The following PCDHA7 variants were observed in gnomAD, a reference collection of about 807,000 sequenced individuals.
The protein encoded by PCDHA7 is protocadherin alpha 7.
A neutral mutation model predicts 57.2 loss-of-function variants in PCDHA7; 37 were observed. That is an observed-to-expected ratio of 0.65 (90% confidence interval 0.50 to 0.85). The LOEUF (loss-of-function observed/expected upper bound fraction) is 0.85, where lower values mean the gene tolerates loss of function less well. Among genes scored for constraint, PCDHA7 ranks in the 40% least tolerant of loss-of-function variants. The pLI, the probability that PCDHA7 is intolerant of heterozygous loss-of-function variation, is 0.00. For missense variants in PCDHA7, 1,188 were observed against 1,241.8 expected, an observed-to-expected ratio of 0.96 and a Z score of 0.65; for synonymous variants, 553 against 558.8, an observed-to-expected ratio of 0.99 and a Z score of 0.15.
At chr5:140,906,063 A>T (rs572488248) in intron 1 of PCDHA7, among the ~76,000 whole-genome samples, 1 of 152,318 alleles carries the variant, frequency 6.6e-6, no homozygotes, top group South Asian at 2.1e-4. Flanking sequence ...CTGGCAGCTG[A>T]TTAGATCGCA....
At chr5:140,933,630 C>T (rs2089281438) in intron 1 of PCDHA7, among the ~76,000 whole-genome samples, 1 of 151,952 alleles carries the variant, frequency 6.6e-6, no homozygotes, top group Admixed American at 6.6e-5. Flanking sequence ...TAGGCTGGCC[C>T]TGTTAAACAA....
intron 1 of PCDHA7, chr5:140,867,094 A>T (rs1289520469): frequency 6.6e-6 from 1 of 152,180 alleles, no homozygotes; most frequent in Admixed American, 6.5e-5. Flanking sequence ...GTTGGAAATT[A>T]ACACCTAAAT....
At chr5:140,967,306 C>G (rs1554229415) in intron 1 of PCDHA7, 2 of 1,612,350 alleles carry the variant, frequency 1.2e-6, no homozygotes, top group African/African-American at 2.7e-5. Flanking sequence ...TGGGCGCCAA[C>G]TCAGTACAGA....
At chr5:140,921,615 C>A (rs977929420) in intron 1 of PCDHA7, among the ~76,000 whole-genome samples, 13 of 152,090 alleles carry the variant, frequency 8.5e-5, no homozygotes, top group Non-Finnish European at 1.5e-4. Flanking sequence ...AGAAAAATAT[C>A]ATCAGATCAT....
At chr5:140,863,397 C>T in intron 1 of PCDHA7, 1 of 873,170 alleles carries the variant, frequency 1.1e-6, no homozygotes, top group Admixed American at 1.9e-5. Flanking sequence ...GCATGCCGGG[C>T]AAGCCCACGC....
chr5:140,966,216 C>T (rs1189015388), intron 1 of PCDHA7: 1 of 247,072 alleles, frequency 4.0e-6, no homozygotes, highest in African/African-American at 2.2e-5. Flanking sequence ...TTTTCCCAGA[C>T]TAATCTCCTT....
At chr5:140,959,548 A>G (rs1554224134) in intron 1 of PCDHA7, among the ~76,000 whole-genome samples, 2 of 152,194 alleles carry the variant, frequency 1.3e-5, no homozygotes, top group Non-Finnish European at 2.9e-5. Flanking sequence ...ATGCTGTATA[A>G]ATAGAATCAG....
intron 1 of PCDHA7, chr5:140,858,561 C>A: frequency 7.3e-7 from 1 of 1,370,342 alleles, no homozygotes; most frequent in South Asian, 1.3e-5. Context: ...TTGAATATTT[C>A]TAGTGATACC....
chr5:140,941,281 C>A (rs12652617), intron 1 of PCDHA7, among the ~76,000 whole-genome samples: 1 of 69,002 alleles, frequency 1.4e-5, no homozygotes, highest in Non-Finnish European at 3.2e-5. Context: ...TTCCTTCCTT[C>A]CTTTCTCTTT....
rs2150127559 is a variant in PCDHA7, at chr5:140,834,328, T to C, written c.-56T>C. 6.9e-7 allele frequency: 1 copy of C among 1,451,502 alleles called. No individual in the cohort carries two copies. Among genetic ancestry groups the C allele is most frequent in the Non-Finnish European group, 9.4e-7 (1 of 1,067,576 alleles). 89.9% of individuals were successfully genotyped at this position (1,451,502 alleles called of 1,614,324 possible). ...GATTGAAATGAAGGGATAAAAACAT[T>C]CCTATAAATTCGAAGGCAAGTTTTG... is the stretch of plus-strand genomic sequence containing the variant. On this transcript the variant is annotated 5_prime_UTR_variant, in exon 1 of 4. Transcript: ENST00000525929.
intron 3 of PCDHA7, among the ~76,000 whole-genome samples, chr5:140,993,043 A>G (rs1402138607): frequency 1.3e-5 from 2 of 152,186 alleles, no homozygotes; most frequent in Non-Finnish European, 2.9e-5. Context: ...TGTGTCATCA[A>G]GATGTCAATC....
At chr5:141,000,768 A>G (rs1434125702) in intron 3 of PCDHA7, among the ~76,000 whole-genome samples, 43 of 151,864 alleles carry the variant, frequency 2.8e-4, no homozygotes, top group African/African-American at 4.8e-5. Context: ...TTAGCCAGGC[A>G]TAGTGGCGCA....
At position 141,009,772 on chromosome 5, in the gene PCDHA7, C is replaced by G. The variant is rs782009776; in HGVS notation, c.2649C>G (p.Ile883Met). Residue 883 changes from isoleucine (I) to methionine (M), a missense_variant, in exon 4 of 4, where the codon ATC becomes ATG. By Grantham distance (10) the Ile-to-Met change is conservative (BLOSUM62 1). Transcript: ENST00000525929. ...TCATTATCCCAGGATCTCCTGCAAT[C>G]ATCTCCATCCGGCAGGAGCCTACTA... ...DKFIIPGSPA[I>M]ISIRQEPTNS... 4 of 1,614,158 alleles carry G rather than the reference C, an allele frequency of 2.5e-6. No individual in the cohort carries two copies. The East Asian group carries it at 8.9e-5, about 36-fold the overall frequency.
chr5:140,875,949 T>G (rs1306170767), intron 1 of PCDHA7: 3 of 1,614,214 alleles, frequency 1.9e-6, no homozygotes, highest in East Asian at 4.5e-5. Flanking sequence ...GCGCTTCTGA[T>G]GCGGATATCG....
chr5:140,889,028 C>G (rs1015343865), intron 1 of PCDHA7, among the ~76,000 whole-genome samples: 1 of 151,754 alleles, frequency 6.6e-6, no homozygotes. Flanking sequence ...CTTGGATAAC[C>G]GTAATTTGAT....
At chr5:140,967,894 G>A (rs1586251835) in intron 1 of PCDHA7, 5 of 1,614,192 alleles carry the variant, frequency 3.1e-6, no homozygotes, top group Non-Finnish European at 3.4e-6. Context: ...CAGTGCCTGA[G>A]AATGCTACAC....
At chr5:140,895,072 A>G (rs974661383) in intron 1 of PCDHA7, among the ~76,000 whole-genome samples, 1 of 152,090 alleles carries the variant, frequency 6.6e-6, no homozygotes, top group Admixed American at 6.5e-5. Flanking sequence ...CTCAATTCCT[A>G]TCAGTTCCTC....
intron 1 of PCDHA7, among the ~76,000 whole-genome samples, chr5:140,904,728 T>G (rs1357605257): frequency 6.6e-6 from 1 of 152,198 alleles, no homozygotes; most frequent in Non-Finnish European, 1.5e-5. Flanking sequence ...CCAACATCTA[T>G]TATTTTTTTA....
intron 3 of PCDHA7, among the ~76,000 whole-genome samples, chr5:141,003,459 GCAC>G (rs1442979686): frequency 6.6e-6 from 1 of 152,028 alleles, no homozygotes; most frequent in African/African-American, 2.4e-5. Context: ...TTACAGGCGT[GCAC>G]CACCACAGTC....
Sources: gnomAD v4.1 joint callset for allele counts (sites outside exome capture counted in the v4.1 genomes callset) on GRCh38, gnomAD v4.1.1 for gene constraint, MANE v1.5 for transcripts, NCBI Gene and HGNC (gene_info 2026-07-23, HGNC 2026-07-21) for gene names.